TMC1: variants seen among roughly 807,000 people sequenced by gnomAD.
TMC1 encodes the protein transmembrane channel like 1.
A neutral mutation model predicts 105.8 loss-of-function variants in TMC1; 84 were observed. That is an observed-to-expected ratio of 0.79 (90% CI 0.67 to 0.95). The LOEUF is 0.95. Among genes scored for constraint, TMC1 ranks in the 40% least tolerant of loss-of-function variants. TMC1 has a pLI of 0.00. For missense variants in TMC1, 817 were observed against 914.1 expected, an observed-to-expected ratio of 0.89 and a Z score of 1.37; for synonymous variants, 315 against 311.5, an observed-to-expected ratio of 1.01 and a Z score of -0.12.
intron 4 of TMC1, among the ~76,000 whole-genome samples, chr9:72,632,130 C>A (rs1001813232): frequency 1.3e-5 from 2 of 151,938 alleles, no homozygotes; most frequent in Non-Finnish European, 2.9e-5. Context: ...CCTCAGGAAG[C>A]TTCTATTCAT....
At chr9:72,822,822 C>G (rs751037766) in intron 20 of TMC1, among the ~76,000 whole-genome samples, 1 of 152,150 alleles carries the variant, frequency 6.6e-6, no homozygotes, top group Non-Finnish European at 1.5e-5. Flanking sequence ...CCCTAGCTGC[C>G]TGTAAGGGAA....
At chr9:72,562,601 C>G (rs979746354) in intron 1 of TMC1, among the ~76,000 whole-genome samples, 20 of 152,254 alleles carry the variant, frequency 1.3e-4, no homozygotes, top group Middle Eastern at 3.4e-3. Flanking sequence ...GTATTGGAAA[C>G]TGGGGATACA....
chr9:72,541,141 C>T (rs7857300), intron 1 of TMC1, among the ~76,000 whole-genome samples: 79,675 of 151,960 alleles, frequency 0.52, 21,828 homozygotes, highest in African/African-American at 0.69. Flanking sequence ...ATTTCTCTTG[C>T]CCACATGGAT....
intron 4 of TMC1, among the ~76,000 whole-genome samples, chr9:72,632,301 G>A (rs1319879116): frequency 1.3e-5 from 2 of 152,164 alleles, no homozygotes; most frequent in African/African-American, 4.8e-5. Context: ...AGACATTCAT[G>A]AGGAATCTGA....
chr9:72,831,265 A>G lies in TMC1; in HGVS notation c.2260+583A>G, dbSNP rs867783484. Among the ~76,000 whole-genome samples, 13 of 152,302 alleles carry G rather than the reference A, an allele frequency of 8.5e-5. No homozygotes were observed. In the South Asian group the frequency reaches 2.7e-3, roughly 32 times the overall value. On this transcript the variant is annotated intron_variant, in intron 23 of 23. Transcript: ENST00000297784. The stretch of plus-strand genomic sequence containing the variant: ...AAGACCTTTAGTGAAAATCTTTTCC[A>G]ACTTTGTCCTTACTCCTAACTTTAA...
intron 5 of TMC1, among the ~76,000 whole-genome samples, chr9:72,664,998 A>G (rs1453793609): frequency 1.3e-5 from 2 of 152,102 alleles, no homozygotes; most frequent in African/African-American, 4.8e-5. Context: ...ATCTGTCTAC[A>G]TGCTCCCTCT....
intron 5 of TMC1, among the ~76,000 whole-genome samples, chr9:72,659,771 G>A (rs1217791161): frequency 1.3e-5 from 2 of 152,194 alleles, no homozygotes; most frequent in African/African-American, 2.4e-5. Flanking sequence ...AAGATATCTA[G>A]TTCTTCCTCT....
rs530179918 is a variant in TMC1, at chr9:72,636,433, A to G, written c.-53+8370A>G. On this transcript the variant is annotated intron_variant, in intron 4 of 23. Transcript: ENST00000297784. Reference sequence around the variant, plus strand: ...GCTATCTATCCAGGCGTGATGGCTCATGCCTGTTATCTCAGCACTTTGGGA... The same window carrying G: ...GCTATCTATCCAGGCGTGATGGCTCGTGCCTGTTATCTCAGCACTTTGGGA... 1.7e-3 allele frequency among the ~76,000 whole-genome samples: 261 copies of G among 152,308 alleles called. 3 individuals carry two copies. Among genetic ancestry groups the G allele is most frequent in the South Asian group, 6.2e-4 (3 of 4,826 alleles).
intron 8 of TMC1, among the ~76,000 whole-genome samples, chr9:72,712,121 G>C (rs1314824977): frequency 6.6e-6 from 1 of 152,080 alleles, no homozygotes; most frequent in African/African-American, 2.4e-5. Flanking sequence ...CTGTTCCATT[G>C]GCCTATATAT....
intron 2 of TMC1, among the ~76,000 whole-genome samples, chr9:72,590,097 A>C (rs770465735): frequency 6.6e-6 from 1 of 152,102 alleles, no homozygotes; most frequent in Non-Finnish European, 1.5e-5. Flanking sequence ...CTGATTATTC[A>C]CTGACAGCTG....
chr9:72,656,598 A>G (rs1374086149), intron 5 of TMC1, among the ~76,000 whole-genome samples: 3 of 152,064 alleles, frequency 2.0e-5, no homozygotes, highest in African/African-American at 4.8e-5. Flanking sequence ...ATCTGTTTCT[A>G]TTGATTGATT....
rs145050019 is a variant in TMC1 at position 72,648,659 on chromosome 9, A to G, written c.11A>G (p.Lys4Arg). 31 of 1,613,224 alleles carry G rather than the reference A, an allele frequency of 1.9e-5. No individual in the cohort carries two copies. In the African/African-American group the frequency reaches 3.2e-4, roughly 17 times the overall value. The stretch of plus-strand genomic sequence containing the variant: ...CAGGACACCCCCAGGATGTCACCCA[A>G]AAAAGGTATTTACAAAATCAAGACT... MSP[K>R]KVQIKVEEKE... The change falls in exon 5 of 24, where the codon AAA becomes AGA. Residue 4 changes from lysine (K) to arginine (R), a missense_variant. By Grantham distance (26) the Lys-to-Arg change is conservative. Coordinates refer to ENST00000297784, the MANE Select transcript of TMC1 (RefSeq NM_138691.3).
At chr9:72,593,266 T>C (rs1304872373) in intron 2 of TMC1, among the ~76,000 whole-genome samples, 1 of 152,084 alleles carries the variant, frequency 6.6e-6, no homozygotes, top group East Asian at 1.9e-4. Context: ...TGGCGGAGTG[T>C]GGTGGCTCAT....
intron 7 of TMC1, among the ~76,000 whole-genome samples, chr9:72,697,034 C>G (rs996628426): frequency 2.6e-5 from 4 of 152,108 alleles, no homozygotes; most frequent in Non-Finnish European, 5.9e-5. Context: ...CAACTGTACC[C>G]TGTAACACAG....
intron 3 of TMC1, among the ~76,000 whole-genome samples, chr9:72,624,448 T>C (rs890690511): frequency 2.6e-5 from 4 of 152,220 alleles, no homozygotes; most frequent in Non-Finnish European, 5.9e-5. Context: ...TTTCTTGTCC[T>C]GTCGAAATGG....
At chr9:72,649,719 C>T (rs1392740637) in intron 5 of TMC1, among the ~76,000 whole-genome samples, 2 of 152,076 alleles carry the variant, frequency 1.3e-5, no homozygotes, top group African/African-American at 4.8e-5. Flanking sequence ...TAACTCTTAA[C>T]AGGGTGGCGT....
At chr9:72,590,992 C>T (rs10481771) in intron 2 of TMC1, among the ~76,000 whole-genome samples, 17,968 of 151,868 alleles carry the variant, frequency 0.12, 1,351 homozygotes, top group Middle Eastern at 0.19. Flanking sequence ...GATTCCTAGG[C>T]AAAAAGAGGA....
intron 2 of TMC1, among the ~76,000 whole-genome samples, chr9:72,606,216 C>T (rs1255247115): frequency 2.6e-5 from 4 of 152,122 alleles, no homozygotes; most frequent in South Asian, 2.1e-4. Context: ...AGTTTCTTCT[C>T]GCTGGAGACT....
intron 8 of TMC1, among the ~76,000 whole-genome samples, chr9:72,712,889 A>C (rs1487497880): frequency 6.6e-6 from 1 of 152,210 alleles, no homozygotes; most frequent in Non-Finnish European, 1.5e-5. Context: ...TTGCCCATTC[A>C]GTATGATATT....
Sources: gnomAD v4.1 joint callset for allele counts (sites outside exome capture counted in the v4.1 genomes callset) on GRCh38, gnomAD v4.1.1 for gene constraint, MANE v1.5 for transcripts, NCBI Gene and HGNC (gene_info 2026-07-23, HGNC 2026-07-21) for gene names.